The following FCHSD2 variants were observed in gnomAD, a reference collection of about 807,000 sequenced individuals.
FCHSD2 encodes FCH and double SH3 domains 2, also known as F-BAR and double SH3 domains protein 2.
FCHSD2 carries 38 observed loss-of-function variants against 108.1 expected under a neutral mutation model. The observed-to-expected ratio is 0.35, with a 90% CI of 0.27 to 0.46. FCHSD2 has a LOEUF of 0.46. FCHSD2 is among the 20% of genes least tolerant of loss of function. The pLI, the probability that FCHSD2 is intolerant of heterozygous loss-of-function variation, is 1.00. For synonymous variants in FCHSD2, 279 were observed against 314.7 expected, an observed-to-expected ratio of 0.89 and a Z score of 1.20; for missense variants, 751 against 897.8, an observed-to-expected ratio of 0.84 and a Z score of 2.09.
In FCHSD2 at chr11:72,921,813, C is replaced by T; in HGVS notation, c.828+15G>A. Reference sequence around the variant, plus strand: ...AAGTTGGATAACACTACACGTTGCACTAAAGGTAACTTACCTTGCTGGAGT... The same window carrying T: ...AAGTTGGATAACACTACACGTTGCATTAAAGGTAACTTACCTTGCTGGAGT... On this transcript the variant is annotated intron_variant, in intron 9 of 19. Transcript: ENST00000409418. 1 of 1,607,438 alleles carries T rather than the reference C, an allele frequency of 6.2e-7. No individual in the cohort carries two copies. The highest frequency in any genetic ancestry group is 8.5e-7 in the Non-Finnish European group (1 of 1,175,444).
intron 2 of FCHSD2, among the ~76,000 whole-genome samples, chr11:73,135,182 G>T (rs1394244092): frequency 6.6e-6 from 1 of 152,152 alleles, no homozygotes; most frequent in Non-Finnish European, 1.5e-5. Context: ...CTTTTTGATA[G>T]GCAAAATATT....
intron 10 of FCHSD2, among the ~76,000 whole-genome samples, chr11:72,890,635 C>A (rs1242748742): frequency 6.6e-6 from 1 of 151,302 alleles, no homozygotes; most frequent in Admixed American, 6.6e-5. Flanking sequence ...TAGCTAACTT[C>A]TATTGTGCAA....
intron 3 of FCHSD2, among the ~76,000 whole-genome samples, chr11:73,054,939 G>A (rs538172606): frequency 5.9e-5 from 9 of 152,242 alleles, no homozygotes; most frequent in South Asian, 2.1e-4. Context: ...CCATTCTCAC[G>A]CTGCTAAATA....
intron 6 of FCHSD2, among the ~76,000 whole-genome samples, chr11:72,987,215 C>A (rs1468365386): frequency 1.3e-5 from 2 of 152,160 alleles, no homozygotes; most frequent in Non-Finnish European, 2.9e-5. Context: ...AGTTTAACTT[C>A]CCCTTCCTGA....
chr11:73,004,087 C>CAAGAGAGTAAG (rs1348265632), intron 4 of FCHSD2, among the ~76,000 whole-genome samples: 2 of 98,630 alleles, frequency 2.0e-5, no homozygotes, highest in East Asian at 7.0e-4. Context: ...CCGGCCTGGG[C>CAAGAGAGTAAG]AAGAGAGTAA....
chr11:73,058,501 G>A (rs1859084213), intron 3 of FCHSD2, among the ~76,000 whole-genome samples: 1 of 151,780 alleles, frequency 6.6e-6, no homozygotes, highest in East Asian at 1.9e-4. Flanking sequence ...GTTAAATTAG[G>A]GAAAGGCTTC....
chr11:72,991,134 C>A (rs535024364), intron 5 of FCHSD2, among the ~76,000 whole-genome samples: 103 of 152,298 alleles, frequency 6.8e-4, no homozygotes, highest in African/African-American at 2.5e-3. Flanking sequence ...AATTCCTCGA[C>A]ACATACACCC....
rs1004386069 is a variant in FCHSD2, at chr11:73,037,233, T to G, written c.166-21348A>C. ...ATGCATAGCCTCCCCATTAACAACATCCCCCACCACAGTGGTACATTTACA... is the reference window on the plus strand; with the variant it reads ...ATGCATAGCCTCCCCATTAACAACAGCCCCCACCACAGTGGTACATTTACA... On this transcript the variant is annotated intron_variant, in intron 3 of 19. Transcript: ENST00000409418. Among the ~76,000 whole-genome samples the G allele has an allele frequency of 3.3e-5, 5 of 152,206 alleles. No individual in the cohort carries two copies. In the South Asian group the frequency reaches 1.0e-3, roughly 32 times the overall value.
At chr11:73,123,683 A>G (rs75578981) in intron 2 of FCHSD2, among the ~76,000 whole-genome samples, 2,314 of 152,336 alleles carry the variant, frequency 0.015, 33 homozygotes, top group Middle Eastern at 0.037. Flanking sequence ...TCTTAATTGC[A>G]TAACCATCCC....
At chr11:73,099,914 C>T (rs1221366587) in intron 2 of FCHSD2, among the ~76,000 whole-genome samples, 4 of 152,226 alleles carry the variant, frequency 2.6e-5, no homozygotes, top group Admixed American at 2.6e-4. Context: ...CTCTGCCCGT[C>T]CCTATCCCCC....
intron 2 of FCHSD2, among the ~76,000 whole-genome samples, chr11:73,084,725 A>T (rs529164686): frequency 2.6e-4 from 40 of 152,330 alleles, no homozygotes; most frequent in Middle Eastern, 6.8e-3. Context: ...AACATTTATG[A>T]TACTGGAATG....
intron 8 of FCHSD2, among the ~76,000 whole-genome samples, chr11:72,943,875 C>G (rs1337944651): frequency 6.6e-6 from 1 of 152,164 alleles, no homozygotes; most frequent in Non-Finnish European, 1.5e-5. Context: ...TAAACTACTA[C>G]ACTAAGAACG....
chr11:73,059,528 T>G (rs935242598), intron 3 of FCHSD2, among the ~76,000 whole-genome samples: 2 of 152,190 alleles, frequency 1.3e-5, no homozygotes, highest in African/African-American at 4.8e-5. Flanking sequence ...CCCTTCACTC[T>G]AACTTCTTCT....
chr11:72,987,898 A>G (rs529335034), intron 6 of FCHSD2, among the ~76,000 whole-genome samples: 1 of 152,354 alleles, frequency 6.6e-6, no homozygotes, highest in East Asian at 1.9e-4. Context: ...CTGACTCTAT[A>G]AAAGTACAGG....
chr11:73,044,272 C>A (rs77254773), intron 3 of FCHSD2, among the ~76,000 whole-genome samples: 1 of 152,056 alleles, frequency 6.6e-6, no homozygotes, highest in Non-Finnish European at 1.5e-5. Flanking sequence ...TAAAAAAAAA[C>A]TTATGAATAT....
intron 2 of FCHSD2, among the ~76,000 whole-genome samples, chr11:73,128,274 C>T (rs1224579291): frequency 6.6e-6 from 1 of 152,124 alleles, no homozygotes; most frequent in African/African-American, 2.4e-5. Context: ...CATAATCTAA[C>T]TCCAATGCAT....
chr11:72,896,781 A>AG (rs1303311085), intron 10 of FCHSD2, among the ~76,000 whole-genome samples: 1 of 150,678 alleles, frequency 6.6e-6, no homozygotes, highest in Non-Finnish European at 1.5e-5. Context: ...AAAAAAAAAA[A>AG]AAAAAAAAAG....
intron 12 of FCHSD2, among the ~76,000 whole-genome samples, chr11:72,877,562 CAAG>C (rs1437808738): frequency 6.6e-6 from 1 of 152,072 alleles, no homozygotes; most frequent in African/African-American, 2.4e-5. Flanking sequence ...TAACCTATTA[CAAG>C]AAGCAGAAAG....
At chr11:73,090,468 G>A (rs11235651) in intron 2 of FCHSD2, among the ~76,000 whole-genome samples, 65,923 of 151,712 alleles carry the variant, frequency 0.43, 15,164 homozygotes, top group South Asian at 0.64. Flanking sequence ...CTCGTGATCC[G>A]CCCGCCTCGG....
Sources: gnomAD v4.1 joint callset for allele counts (sites outside exome capture counted in the v4.1 genomes callset) on GRCh38, gnomAD v4.1.1 for gene constraint, MANE v1.5 for transcripts, NCBI Gene and HGNC (gene_info 2026-07-23, HGNC 2026-07-21) for gene names.